The following WDR70 variants were observed in gnomAD, a reference collection of about 807,000 sequenced individuals.
The protein encoded by WDR70 is WD repeat-containing protein 70.
In WDR70, 53 loss-of-function variants were observed where a neutral mutation model predicts 88.6. That is an observed-to-expected ratio of 0.60 (90% CI 0.48 to 0.75). WDR70 has a LOEUF of 0.75. Ranked by LOEUF, WDR70 falls within the 30% of genes least tolerant of loss-of-function variation. The pLI is 0.00. For synonymous variants in WDR70, 280 were observed against 270.0 expected (o/e 1.04, Z -0.36); for missense variants, 610 against 823.2 (o/e 0.74, Z 3.17).
At chr5:37,548,330 C>G (rs1742051619) in intron 9 of WDR70, among the ~76,000 whole-genome samples, 1 of 152,134 alleles carries the variant, frequency 6.6e-6, no homozygotes, top group Non-Finnish European at 1.5e-5. Flanking sequence ...TGGATAAAAA[C>G]CATTTTAACT....
intron 9 of WDR70, among the ~76,000 whole-genome samples, chr5:37,600,526 C>CAAAAAAAA (rs552804920): frequency 3.0e-5 from 3 of 101,234 alleles, no homozygotes; most frequent in South Asian, 3.8e-4. Context: ...GACTCCGTCT[C>CAAAAAAAA]AAAAAAAAAA....
At chr5:37,538,376 G>A (rs10057617) in intron 9 of WDR70, among the ~76,000 whole-genome samples, 5,290 of 152,236 alleles carry the variant, frequency 0.035, 316 homozygotes, top group African/African-American at 0.12. Context: ...TAATACACAC[G>A]ATGAATGTTT....
chr5:37,579,813 CA>C (rs1347497219), intron 9 of WDR70, among the ~76,000 whole-genome samples: 2 of 152,100 alleles, frequency 1.3e-5, no homozygotes, highest in Non-Finnish European at 2.9e-5. Flanking sequence ...AAGACATCCC[CA>C]AACATTTTAT....
rs191761673 is a variant in WDR70 at position 37,593,959 on chromosome 5, T to G, written c.918-11105T>G. Among the ~76,000 whole-genome samples the G allele has an allele frequency of 2.6e-4, 40 of 152,364 alleles. No individual in the cohort carries two copies. The East Asian group carries it at 7.5e-3, about 29-fold the overall frequency. On this transcript the variant is annotated intron_variant, in intron 9 of 17. Transcript: ENST00000265107. ...TGCATAAATGTCTTCTTTTGAGAAG[T>G]GTCTGTGTTCATATCCTTCACCCAC...
Position 37,730,737 on chromosome 5 carries a change from T to G in WDR70, c.1877+3692T>G, listed in dbSNP as rs111685176. 3.6e-3 allele frequency among the ~76,000 whole-genome samples: 555 copies of G among 152,288 alleles called. 5 individuals carry two copies. The highest frequency in any genetic ancestry group is 5.9e-3 in the Non-Finnish European group (400 of 68,010). On this transcript the variant is annotated intron_variant, in intron 17 of 17. Coordinates refer to ENST00000265107, the MANE Select transcript of WDR70 (RefSeq NM_018034.4). The stretch of plus-strand genomic sequence containing the variant: ...GATGTCTTTATGTATTCCTAAAGTT[T>G]TCTCTTTAATTGTGAGAAAACTGGA...
At chr5:37,499,843 CTG>C (rs896939908) in intron 8 of WDR70, among the ~76,000 whole-genome samples, 3 of 152,064 alleles carry the variant, frequency 2.0e-5, no homozygotes, top group African/African-American at 7.2e-5. Context: ...GTGAGTCAGT[CTG>C]TGGCTTTTCT....
chr5:37,596,288 A>T (rs919523696), intron 9 of WDR70, among the ~76,000 whole-genome samples: 2 of 152,166 alleles, frequency 1.3e-5, no homozygotes, highest in African/African-American at 4.8e-5. Flanking sequence ...AGGGGACAGA[A>T]CCCCAGTGTT....
intron 13 of WDR70, among the ~76,000 whole-genome samples, chr5:37,713,100 C>T (rs1747562219): frequency 1.3e-5 from 2 of 152,142 alleles, no homozygotes; most frequent in African/African-American, 2.4e-5. Flanking sequence ...TTTGAAATAA[C>T]GTTTACTGTA....
chr5:37,388,668 A>T (rs1316032137), intron 3 of WDR70, among the ~76,000 whole-genome samples: 1 of 149,682 alleles, frequency 6.7e-6, no homozygotes, highest in Non-Finnish European at 1.5e-5. Context: ...TGAACCTAGG[A>T]GGTGAAGGTT....
chr5:37,427,147 TG>T (rs1220847433), intron 5 of WDR70, among the ~76,000 whole-genome samples: 1 of 152,086 alleles, frequency 6.6e-6, no homozygotes, highest in African/African-American at 2.4e-5. Flanking sequence ...CCCAACACTT[TG>T]GGAGGCTGAG....
intron 10 of WDR70, among the ~76,000 whole-genome samples, chr5:37,647,559 T>A (rs1432948004): frequency 6.6e-6 from 1 of 152,192 alleles, no homozygotes; most frequent in Non-Finnish European, 1.5e-5. Context: ...GTTATCTCTG[T>A]TTTTGGTCAC....
chr5:37,441,567 C>G (rs1750653603), intron 6 of WDR70, among the ~76,000 whole-genome samples: 1 of 152,126 alleles, frequency 6.6e-6, no homozygotes, highest in African/African-American at 2.4e-5. Context: ...CACTTCTAAT[C>G]CCAGCTTTGC....
At position 37,404,707 on chromosome 5, in the gene WDR70, A is replaced by T. The variant is rs573311583; in HGVS notation, c.492+8137A>T. On this transcript the variant is annotated intron_variant, in intron 5 of 17. Transcript: ENST00000265107. ...CCTGTAGCTCTGACAGTTTTTTTTT[A>T]ATCAAATTTAATTAATTTATTTTTC... Among the ~76,000 whole-genome samples, 5 of 152,190 alleles carry T rather than the reference A, an allele frequency of 3.3e-5. No individual in the cohort carries two copies. In the South Asian group the frequency reaches 1.0e-3, roughly 32 times the overall value.
chr5:37,401,368 T>C (rs1301618800), intron 5 of WDR70, among the ~76,000 whole-genome samples: 1 of 148,286 alleles, frequency 6.7e-6, no homozygotes, highest in Non-Finnish European at 1.5e-5. Context: ...CAGGCTGGAG[T>C]GCAGTGGTGC....
chr5:37,688,103 A>T (rs1162014878), intron 10 of WDR70: 5 of 465,172 alleles, frequency 1.1e-5, no homozygotes, highest in Non-Finnish European at 1.9e-5. Context: ...TCAAGATTTT[A>T]TCTTATTAAT....
chr5:37,696,767 A>G (rs1746995305), intron 10 of WDR70, among the ~76,000 whole-genome samples: 1 of 152,226 alleles, frequency 6.6e-6, no homozygotes, highest in African/African-American at 2.4e-5. Context: ...CTTTGTTCAT[A>G]TAGACCACAC....
intron 10 of WDR70, among the ~76,000 whole-genome samples, chr5:37,694,849 A>T (rs1746935437): frequency 6.6e-6 from 1 of 151,500 alleles, no homozygotes; most frequent in Non-Finnish European, 1.5e-5. Flanking sequence ...GTATAATAAT[A>T]ATAATAATAA....
chr5:37,516,884 G>T (rs546713662), intron 9 of WDR70, among the ~76,000 whole-genome samples: 2 of 151,454 alleles, frequency 1.3e-5, no homozygotes, highest in Middle Eastern at 3.4e-3. Flanking sequence ...CACCACACCC[G>T]GCTAATTTTT....
intron 10 of WDR70, among the ~76,000 whole-genome samples, chr5:37,662,015 A>C (rs1282835621): frequency 6.6e-6 from 1 of 152,216 alleles, no homozygotes; most frequent in African/African-American, 2.4e-5. Context: ...ATTTTGTTTC[A>C]GAGTCAAACC....
Sources: allele counts gnomAD v4.1 joint callset (sites outside exome capture counted in the v4.1 genomes callset), GRCh38; gene constraint gnomAD v4.1.1; transcripts MANE v1.5; gene names NCBI Gene and HGNC (gene_info 2026-07-23, HGNC 2026-07-21).